The following SLIT3 variants were observed in gnomAD, a reference collection of about 807,000 sequenced individuals.
SLIT3 encodes slit homolog 3 protein.
In SLIT3, 68 loss-of-function variants were observed where a neutral mutation model predicts 184.0. That is an observed-to-expected ratio of 0.37 (90% CI 0.30 to 0.45). SLIT3 has a LOEUF of 0.45. SLIT3 is among the 20% of genes least tolerant of loss of function. The pLI, the probability that SLIT3 is intolerant of heterozygous loss-of-function variation, is 1.00. For synonymous variants in SLIT3, 831 were observed against 828.6 expected (o/e 1.00, Z -0.05); for missense variants, 1,707 against 2,026.0 (o/e 0.84, Z 3.02).
chr5:168,815,237 A>G (rs1489732566), intron 8 of SLIT3, among the ~76,000 whole-genome samples: 1 of 152,220 alleles, frequency 6.6e-6, no homozygotes, highest in East Asian at 1.9e-4. Context: ...AAGGAGAAAG[A>G]GTGAGGCATT....
chr5:168,949,608 GT>G (rs113931365), intron 4 of SLIT3, among the ~76,000 whole-genome samples: 7,962 of 151,960 alleles, frequency 0.052, 283 homozygotes, highest in East Asian at 0.16. Context: ...TTTTTGTCTT[GT>G]TTTTTTTGAG....
chr5:168,671,610 T>A, intron 33 of SLIT3, 127 bp from the exon 34 acceptor site: 3 of 1,096,504 alleles, frequency 2.7e-6, no homozygotes, highest in Non-Finnish European at 3.9e-6. Context: ...CAAACGAGGT[T>A]AACGGGCCAA....
chr5:168,973,462 G>A (rs1246197485), intron 4 of SLIT3, among the ~76,000 whole-genome samples: 1 of 152,158 alleles, frequency 6.6e-6, no homozygotes, highest in African/African-American at 2.4e-5. Flanking sequence ...TGGCCAGGCT[G>A]GTCTTGAACT....
At chr5:169,208,687 T>C (rs1441494805) in intron 3 of SLIT3, among the ~76,000 whole-genome samples, 1 of 152,088 alleles carries the variant, frequency 6.6e-6, no homozygotes, top group Non-Finnish European at 1.5e-5. Flanking sequence ...AATGGGGAAA[T>C]GATTCCCTAT....
At position 169,300,724 on chromosome 5, in the gene SLIT3, C is replaced by G. The variant is rs1004352767; in HGVS notation, c.-15G>C. 1 of 1,311,248 alleles carries G rather than the reference C, an allele frequency of 7.6e-7. No homozygotes were observed. The highest frequency in any genetic ancestry group is 9.7e-7 in the Non-Finnish European group (1 of 1,033,546). 81.2% of individuals were successfully genotyped at this position (1,311,248 alleles called of 1,614,324 possible). ...CCGGGGGCCATGGTGTGCAGGGCCC[C>G]GCTCCTGGAGGAGGCTGCCTCTGCG... On this transcript the variant is annotated 5_prime_UTR_variant, in exon 1 of 36. Coordinates refer to ENST00000519560, the MANE Select transcript of SLIT3 (RefSeq NM_003062.4). The surrounding 1 kb of genome is among the most constrained non-coding windows in gnomAD (Gnocchi z 4.1).
At chr5:169,261,202 G>A (rs1047254362) in intron 1 of SLIT3, among the ~76,000 whole-genome samples, 5 of 151,516 alleles carry the variant, frequency 3.3e-5, no homozygotes, top group South Asian at 2.1e-4. Context: ...GTGTAGGGTC[G>A]GGGGAGGCAT....
At chr5:168,953,330 G>A (rs1035781736) in intron 4 of SLIT3, among the ~76,000 whole-genome samples, 2 of 152,180 alleles carry the variant, frequency 1.3e-5, no homozygotes, top group Non-Finnish European at 1.5e-5. Context: ...CAGTGCCGTT[G>A]TGAGGATTCA....
rs1391739455 is a variant in SLIT3, at chr5:168,665,294, T to G, written c.*1160A>C. On this transcript the variant is annotated 3_prime_UTR_variant, in exon 36 of 36. Coordinates refer to ENST00000519560, the MANE Select transcript of SLIT3 (RefSeq NM_003062.4). ...AAGTGTCACAGATGGGCAAGGAGTC[T>G]CTATCGTCATGCTGGTGACCTGGAG... The G allele has an allele frequency of 6.6e-6, 1 of 152,212 alleles. No individual in the cohort carries two copies. The highest frequency in any genetic ancestry group is 1.5e-5 in the Non-Finnish European group (1 of 68,074). The allele number at this position is 152,212 out of a possible 1,614,324, so 9.4% of individuals were successfully genotyped here.
intron 12 of SLIT3, among the ~76,000 whole-genome samples, chr5:168,775,192 C>G (rs948316058): frequency 2.6e-4 from 39 of 152,136 alleles, no homozygotes; most frequent in African/African-American, 9.2e-4. Flanking sequence ...TGTGCACCAC[C>G]ACGCCCAGCT....
chr5:169,187,227 C>T (rs956862693), intron 4 of SLIT3, among the ~76,000 whole-genome samples: 4 of 145,456 alleles, frequency 2.7e-5, no homozygotes, highest in African/African-American at 7.5e-5. Flanking sequence ...GATTCTCCTG[C>T]CTCAGCCTCT....
rs963072605 is a variant in SLIT3, at chr5:169,053,515, C to T, written c.413+139964G>A. ...AGTATTTGTAGAAAAGAAACAGGGA[C>T]CTTGGGTTCTGTCTTATATGATATA... On this transcript the variant is annotated intron_variant, in intron 4 of 35. Transcript: ENST00000519560. 2.0e-5 allele frequency among the ~76,000 whole-genome samples: 3 copies of T among 152,084 alleles called. 1 individual carries two copies. The South Asian group carries it at 6.2e-4, about 32-fold the overall frequency.
At chr5:169,139,975 G>A (rs1761663241) in intron 4 of SLIT3, among the ~76,000 whole-genome samples, 1 of 152,126 alleles carries the variant, frequency 6.6e-6, no homozygotes, top group Non-Finnish European at 1.5e-5. Context: ...AGTAGGGAGG[G>A]GCGGGCTGGC....
chr5:168,852,650 A>G (rs1758720981), intron 5 of SLIT3, among the ~76,000 whole-genome samples: 1 of 152,256 alleles, frequency 6.6e-6, no homozygotes, highest in Non-Finnish European at 1.5e-5. Context: ...TCACTCATCA[A>G]GAAAATTAAG....
At chr5:169,246,647 G>A (rs1000153443) in intron 2 of SLIT3, among the ~76,000 whole-genome samples, 14 of 152,170 alleles carry the variant, frequency 9.2e-5, no homozygotes, top group Non-Finnish European at 2.1e-4. Flanking sequence ...TTGGCCGGGT[G>A]CAGTAGCTTA....
intron 4 of SLIT3, among the ~76,000 whole-genome samples, chr5:168,924,872 G>A (rs368803947): frequency 2.8e-4 from 43 of 152,226 alleles, no homozygotes; most frequent in South Asian, 2.3e-3. Context: ...AGAAACCAAC[G>A]AGCAGGTAAG....
At chr5:169,277,207 ATC>A (rs1048464092) in intron 1 of SLIT3, among the ~76,000 whole-genome samples, 109 of 152,132 alleles carry the variant, frequency 7.2e-4, no homozygotes, top group African/African-American at 2.5e-3. Flanking sequence ...ACTTAGCATA[ATC>A]TCTCTTTTCT....
intron 26 of SLIT3, among the ~76,000 whole-genome samples, chr5:168,704,273 A>G (rs1762311974): frequency 1.4e-5 from 2 of 139,844 alleles, no homozygotes; most frequent in Non-Finnish European, 2.9e-5. Context: ...CAACAGATAT[A>G]TTTTTTCCCC....
In SLIT3 at chr5:168,692,653, G is replaced by A. The variant is rs1258399731; in HGVS notation, c.3130C>T (p.Leu1044Phe). Residue 1044 changes from leucine (L) to phenylalanine (F), a missense_variant, in exon 29 of 36, where the codon CTC (leucine) becomes TTC (phenylalanine). Around this residue, in one of 3 missense-constraint regions of SLIT3, gnomAD observed 1,307 missense variants for 1,511.6 expected, o/e 0.86. Coordinates refer to ENST00000519560, the MANE Select transcript of SLIT3 (RefSeq NM_003062.4). ...VIDHCVPELN[L>F]CQHEAKCIPL... is the part of the protein sequence containing the mutation. Reference sequence around the variant, plus strand: ...ATGCACTTGGCCTCATGCTGACAGAGGTTCAGCTCAGGCACACAGTGGTCA... The same window carrying A: ...ATGCACTTGGCCTCATGCTGACAGAAGTTCAGCTCAGGCACACAGTGGTCA... 1 of 1,613,952 alleles carries A rather than the reference G, an allele frequency of 6.2e-7. No individual in the cohort carries two copies. Among genetic ancestry groups the A allele is most frequent in the South Asian group, 1.1e-5 (1 of 91,070 alleles).
chr5:169,214,984 T>C (rs79657067), intron 3 of SLIT3, among the ~76,000 whole-genome samples: 1 of 152,186 alleles, frequency 6.6e-6, no homozygotes, highest in African/African-American at 2.4e-5. Flanking sequence ...AAGGGGCACC[T>C]CCTTGCCTCC....
Sources: gnomAD v4.1 joint callset for allele counts (sites outside exome capture counted in the v4.1 genomes callset) on GRCh38, gnomAD v4.1.1 for gene constraint, gnomAD v4.1.1 regional missense constraint, Gnocchi (gnomAD v3.1) non-coding constraint, MANE v1.5 for transcripts, NCBI Gene and HGNC (gene_info 2026-07-23, HGNC 2026-07-21) for gene names.